The following MPDZ variants were observed in gnomAD, a reference collection of about 807,000 sequenced individuals.
MPDZ encodes the protein multiple PDZ domain protein.
In MPDZ, 234 loss-of-function variants were observed where a neutral mutation model predicts 239.1. The observed-to-expected ratio is 0.98, with a 90% CI of 0.88 to 1.09. The LOEUF is 1.09. Among genes scored for constraint, MPDZ ranks in the 50% least tolerant of loss-of-function variants. The pLI, the probability that MPDZ is intolerant of heterozygous loss-of-function variation, is 0.00. For missense variants in MPDZ, 3,175 were observed against 2,510.0 expected (o/e 1.26, Z -5.66); for synonymous variants, 1,048 against 881.3 (o/e 1.19, Z -3.35).
chr9:13,142,495 T>C (rs1282803494), intron 27 of MPDZ, among the ~76,000 whole-genome samples: 3 of 152,130 alleles, frequency 2.0e-5, no homozygotes, highest in African/African-American at 4.8e-5. Context: ...TAACAAAGAT[T>C]GTTTAGCCTT....
At position 13,163,952 on chromosome 9, in the gene MPDZ, C is replaced by T. The variant is rs77965811; in HGVS notation, c.3255-1157G>A. 1.6e-3 allele frequency among the ~76,000 whole-genome samples: 238 copies of T among 152,276 alleles called. 6 individuals are homozygous for T. The East Asian group carries it at 0.039, about 25-fold the overall frequency. On this transcript the variant is annotated intron_variant, in intron 22 of 46. Coordinates refer to ENST00000319217, the MANE Select transcript of MPDZ (RefSeq NM_001378778.1). ...CACTTGGGTTTGGAGTCGGAAGACA[C>T]AGTTCTGCTACCACGCAGAGTGTCA...
intron 1 of MPDZ, among the ~76,000 whole-genome samples, chr9:13,261,377 A>T (rs1276958014): frequency 1.3e-5 from 2 of 152,124 alleles, no homozygotes; most frequent in African/African-American, 2.4e-5. Flanking sequence ...TGTTGTATGA[A>T]GCTCTGTTTG....
intron 10 of MPDZ, among the ~76,000 whole-genome samples, chr9:13,215,945 GTTTTT>G (rs71331531): frequency 3.6e-5 from 3 of 82,620 alleles, no homozygotes; most frequent in Non-Finnish European, 7.4e-5. Context: ...TCAGCAATTT[GTTTTT>G]TTTTTTTTTT....
intron 19 of MPDZ, among the ~76,000 whole-genome samples, chr9:13,181,709 G>A (rs1953358674): frequency 1.3e-5 from 2 of 152,160 alleles, no homozygotes; most frequent in Non-Finnish European, 2.9e-5. Context: ...ATGTTGTGCT[G>A]CATACAGCCA....
chr9:13,268,256 T>C (rs1372368952), intron 1 of MPDZ, among the ~76,000 whole-genome samples: 1 of 151,846 alleles, frequency 6.6e-6, no homozygotes, highest in Non-Finnish European at 1.5e-5. Context: ...AAGTATTAAG[T>C]GAGCACTTAC....
intron 3 of MPDZ, among the ~76,000 whole-genome samples, chr9:13,233,708 G>C (rs1408241060): frequency 2.0e-5 from 3 of 152,156 alleles, no homozygotes; most frequent in African/African-American, 4.8e-5. Flanking sequence ...GCATTCCAGT[G>C]AATGATGTAA....
intron 12 of MPDZ, 26 bp from the exon 13 acceptor site, chr9:13,196,256 A>G (rs1955631865): frequency 5.4e-6 from 8 of 1,475,964 alleles, no homozygotes; most frequent in Non-Finnish European, 7.5e-6. Flanking sequence ...CAATTAAGTT[A>G]GCAGCAAACT....
intron 39 of MPDZ, among the ~76,000 whole-genome samples, chr9:13,116,029 T>A (rs1419424882): frequency 6.6e-6 from 1 of 150,616 alleles, no homozygotes; most frequent in African/African-American, 2.4e-5. Flanking sequence ...TTGCCCTCAG[T>A]GGAAGAGGTA....
At chr9:13,229,335 A>G (rs1961656627) in intron 3 of MPDZ, among the ~76,000 whole-genome samples, 1 of 152,086 alleles carries the variant, frequency 6.6e-6, no homozygotes, top group African/African-American at 2.4e-5. Flanking sequence ...AAGGCAAGAA[A>G]TACTGGCCAT....
intron 12 of MPDZ, among the ~76,000 whole-genome samples, chr9:13,202,520 A>T (rs1956505932): frequency 2.0e-5 from 3 of 152,192 alleles, no homozygotes; most frequent in African/African-American, 7.2e-5. Context: ...CAGAGTGCAG[A>T]ATACCTGCCA....
intron 18 of MPDZ, among the ~76,000 whole-genome samples, chr9:13,184,498 A>G (rs917077934): frequency 6.6e-6 from 1 of 151,932 alleles, no homozygotes; most frequent in Admixed American, 6.6e-5. Context: ...CATTCTTACA[A>G]AAAACTATTA....
intron 12 of MPDZ, among the ~76,000 whole-genome samples, chr9:13,199,936 C>G (rs1257158671): frequency 1.3e-5 from 2 of 151,990 alleles, no homozygotes. Flanking sequence ...GTGTCCTTCT[C>G]TGGTTTTAGA....
At position 13,125,277 on chromosome 9, in the gene MPDZ, C is replaced by A; in HGVS notation, c.4746G>T (p.Lys1582Asn). 6.2e-7 allele frequency: 1 copy of A among 1,613,488 alleles called. No homozygotes were observed. The highest frequency in any genetic ancestry group is 8.5e-7 in the Non-Finnish European group (1 of 1,179,540). The change falls in exon 35 of 47, where the codon AAG (lysine) becomes AAT (asparagine). Residue 1582 changes from lysine (K) to asparagine (N), a missense_variant. Coordinates refer to ENST00000319217, the MANE Select transcript of MPDZ (RefSeq NM_001378778.1). ...SAAGAASGEK[K>N]NSSQSLMVPQ... The stretch of plus-strand genomic sequence containing the variant: ...GGACCATCAGAGACTGGGAGCTGTT[C>A]TTTTTTTCTCCACTGGCTGCACCAG...
intron 26 of MPDZ, among the ~76,000 whole-genome samples, chr9:13,144,534 G>C (rs1176309337): frequency 1.3e-5 from 2 of 151,672 alleles, no homozygotes; most frequent in Non-Finnish European, 2.9e-5. Flanking sequence ...AATTCATTTT[G>C]GCTCCAATTA....
At chr9:13,250,111 T>C (rs192329883) in intron 2 of MPDZ, among the ~76,000 whole-genome samples, 189 bp downstream of exon 2, 2 of 152,336 alleles carry the variant, frequency 1.3e-5, no homozygotes, top group African/African-American at 4.8e-5. Context: ...AACGTATTTT[T>C]ACAACACTTT....
At chr9:13,140,698 T>C (rs1947536509) in intron 27 of MPDZ, 1 of 151,958 alleles carries the variant, frequency 6.6e-6, no homozygotes, top group Non-Finnish European at 1.5e-5. Context: ...AAAAATGTCA[T>C]TCAAAAGTTA....
intron 26 of MPDZ, among the ~76,000 whole-genome samples, chr9:13,147,127 G>C (rs1006862432): frequency 2.0e-5 from 3 of 151,992 alleles, no homozygotes; most frequent in Non-Finnish European, 4.4e-5. Context: ...TTATGGGATT[G>C]CATAAGTAGG....
intron 1 of MPDZ, among the ~76,000 whole-genome samples, chr9:13,273,987 T>C (rs1248893715): frequency 1.3e-5 from 2 of 152,156 alleles, no homozygotes; most frequent in East Asian, 3.9e-4. Context: ...AAGGCAGCAA[T>C]TGGTGAAATC....
chr9:13,111,036 A>G lies in MPDZ; in HGVS notation c.5725-296T>C, dbSNP rs1942371904. Among the ~76,000 whole-genome samples the G allele has an allele frequency of 2.0e-5, 3 of 152,122 alleles. No individual in the cohort carries two copies. The South Asian group carries it at 6.2e-4, about 32-fold the overall frequency. On this transcript the variant is annotated intron_variant, in intron 43 of 46. Transcript: ENST00000319217. ...TGAGACATTACTTCCTATTAAAAGA[A>G]AAAAAAATTCACTATCATTTGGAAA...
Sources: gnomAD v4.1 joint callset for allele counts (sites outside exome capture counted in the v4.1 genomes callset) on GRCh38, gnomAD v4.1.1 for gene constraint, MANE v1.5 for transcripts, NCBI Gene and HGNC (gene_info 2026-07-23, HGNC 2026-07-21) for gene names.